FAT1: variants seen among roughly 807,000 people sequenced by gnomAD.
The protein encoded by FAT1 is FAT atypical cadherin 1.
Under a neutral mutation model 329.8 loss-of-function variants are expected in FAT1, and 171 were observed. The ratio of observed to expected loss-of-function variants is 0.52; its 90% confidence interval spans 0.46 to 0.59. The LOEUF (loss-of-function observed/expected upper bound fraction) is 0.59. Ranked by LOEUF, FAT1 falls within the 20% of genes least tolerant of loss-of-function variation. The pLI, the probability that FAT1 is intolerant of heterozygous loss-of-function variation, is 0.00. For missense variants in FAT1, 5,672 were observed against 5,774.4 expected, an observed-to-expected ratio of 0.98 and a Z score of 0.57; for synonymous variants, 2,233 against 2,228.6, an observed-to-expected ratio of 1.00 and a Z score of -0.06.
intron 2 of FAT1, among the ~76,000 whole-genome samples, chr4:186,682,336 G>C (rs1294748498): frequency 6.6e-6 from 1 of 152,086 alleles, no homozygotes; most frequent in African/African-American, 2.4e-5. Context: ...AGAACAGCCT[G>C]GTCAACATGG....
At chr4:186,660,874 C>T (rs1464211707) in intron 3 of FAT1, among the ~76,000 whole-genome samples, 1 of 152,144 alleles carries the variant, frequency 6.6e-6, no homozygotes, top group African/African-American at 2.4e-5. Context: ...ATATAATCTC[C>T]TCAGTTTCTT....
chr4:186,691,326 G>A (rs963863970), intron 2 of FAT1, among the ~76,000 whole-genome samples: 5 of 152,138 alleles, frequency 3.3e-5, no homozygotes, highest in African/African-American at 1.2e-4. Flanking sequence ...AACAATTTAA[G>A]ACTTTTATTC....
Position 186,620,407 on chromosome 4 carries a change from G to A in FAT1, c.6179C>T (p.Ser2060Phe), listed in dbSNP as rs2126515366. The A allele has an allele frequency of 1.9e-6, 3 of 1,614,022 alleles. No homozygotes were observed. Among genetic ancestry groups the A allele is most frequent in the South Asian group, 1.1e-5 (1 of 91,086 alleles). Residue 2060 changes from serine (S) to phenylalanine (F), a missense_variant, in exon 10 of 27, where the codon TCT becomes TTT. Coordinates refer to ENST00000441802, the MANE Select transcript of FAT1 (RefSeq NM_005245.4). ...VVEVTEEHKP[S>F]AVAHVVVKVI... ...CTTCACGACAACGTGGGCCACTGCAGAAGGCTTATGTTCCTCTGTCACTTC... is the reference window on the plus strand; with the variant it reads ...CTTCACGACAACGTGGGCCACTGCAAAAGGCTTATGTTCCTCTGTCACTTC...
At chr4:186,612,510 G>C (rs1433287490) in intron 13 of FAT1, among the ~76,000 whole-genome samples, 1 of 152,078 alleles carries the variant, frequency 6.6e-6, no homozygotes, top group African/African-American at 2.4e-5. Context: ...GCTCATTGGA[G>C]CATTTCGGAT....
rs1420866272 is a variant in FAT1 at position 186,709,557 on chromosome 4, C to T, written c.271G>A (p.Gly91Arg). ...CTTATTCTTAGAAAGCAAAAGTCTC[C>T]GAGAATGTACTCTTCAGCTTTGAAC... ...NLFKAEEYIL[G>R]DFCFLRIRTK... Residue 91 changes from glycine (G) to arginine (R), a missense_variant, in exon 2 of 27, where the codon GGA becomes AGA. Physicochemically the swap from Gly to Arg is moderately radical, Grantham distance 125. Transcript: ENST00000441802. The T allele has an allele frequency of 6.2e-7, 1 of 1,613,936 alleles. No individual in the cohort carries two copies. Among genetic ancestry groups the T allele is most frequent in the South Asian group, 1.1e-5 (1 of 91,084 alleles).
rs1738725253 is a variant in FAT1, at chr4:186,600,104, C to T, written c.11897G>A (p.Ser3966Asn). The change falls in exon 22 of 27, where the codon AGT becomes AAT. Residue 3966 changes from serine to asparagine, a missense_variant. Physicochemically the swap from Ser to Asn is conservative, Grantham distance 46. Transcript: ENST00000441802. ...IRQQGTRHGR[S>N]PQVGNGFRGC... is the part of the protein sequence containing the mutation. The stretch of plus-strand genomic sequence containing the variant: ...CCTGAAACCATTACCAACTTGAGGA[C>T]TTCTTCCATGCCTTGTTCCCTGCTG... 3 of 1,614,072 alleles carry T rather than the reference C, an allele frequency of 1.9e-6. No homozygotes were observed. Among genetic ancestry groups the T allele is most frequent in the Non-Finnish European group, 2.5e-6 (3 of 1,179,906 alleles).
chr4:186,720,839 G>T lies in FAT1; in HGVS notation c.-19+2825C>A, dbSNP rs1745441124. 2.0e-5 allele frequency among the ~76,000 whole-genome samples: 3 copies of T among 152,220 alleles called. No homozygotes were observed. The South Asian group carries it at 6.2e-4, about 31-fold the overall frequency. On this transcript the variant is annotated intron_variant, in intron 1 of 26. Transcript: ENST00000441802. ...AGTGAGAAATGTGAGGCAGGACTGT[G>T]TTGGGGAGGGGATATAGAGAGGGAT...
intron 24 of FAT1, 34 bp downstream of exon 24, chr4:186,597,647 AG>A: frequency 6.7e-7 from 1 of 1,494,538 alleles, no homozygotes; most frequent in African/African-American, 1.4e-5. Context: ...CGCTATGAAA[AG>A]GTATGAACCT....
Position 186,708,714 on chromosome 4 carries a change from A to G in FAT1, c.1114T>C (p.Tyr372His), listed in dbSNP as rs1335991060. ...GCAAATTCACTTATTTCTGCTCTGT[A>G]AACATCCTTTTCAAACTTGACTGGC... is the stretch of plus-strand genomic sequence containing the variant. ...AGPVKFEKDV[Y>H]RAEISEFAPP... Residue 372 changes from tyrosine (Y) to histidine (H), a missense_variant, in exon 2 of 27, where the codon TAC (tyrosine) becomes CAC (histidine). Tyr to His is a moderately conservative substitution (Grantham distance 83). Around this residue, in one of 2 missense-constraint regions of FAT1, gnomAD observed 3,966 missense variants for 3,915.2 expected, o/e 1.01. Coordinates refer to ENST00000441802, the MANE Select transcript of FAT1 (RefSeq NM_005245.4). 1.2e-6 allele frequency: 2 copies of G among 1,613,816 alleles called. No individual in the cohort carries two copies. Among genetic ancestry groups the G allele is most frequent in the Middle Eastern group, 1.6e-4 (1 of 6,084 alleles).
chr4:186,637,116 AG>A (rs1363863647), intron 4 of FAT1, among the ~76,000 whole-genome samples: 2 of 152,112 alleles, frequency 1.3e-5, no homozygotes, highest in African/African-American at 4.8e-5. Context: ...GGAGAGAGTC[AG>A]GGGGCCGGGC....
At chr4:186,705,792 A>T (rs1227400329) in intron 2 of FAT1, among the ~76,000 whole-genome samples, 1 of 152,224 alleles carries the variant, frequency 6.6e-6, no homozygotes, top group African/African-American at 2.4e-5. Flanking sequence ...CCGGTTTCAG[A>T]ACCTTCAGTA....
At chr4:186,680,122 C>T (rs1743142680) in intron 2 of FAT1, among the ~76,000 whole-genome samples, 1 of 152,158 alleles carries the variant, frequency 6.6e-6, no homozygotes, top group Non-Finnish European at 1.5e-5. Flanking sequence ...TTAATTTAAC[C>T]TAATACTGAA....
chr4:186,675,344 G>A (rs1214352203), intron 2 of FAT1, among the ~76,000 whole-genome samples: 1 of 151,602 alleles, frequency 6.6e-6, no homozygotes, highest in Non-Finnish European at 1.5e-5. Context: ...GGTGTGCCCT[G>A]TAGTACCAGT....
chr4:186,607,794 G>T (rs941039875), intron 16 of FAT1, among the ~76,000 whole-genome samples: 11 of 152,034 alleles, frequency 7.2e-5, no homozygotes, highest in South Asian at 2.1e-4. Flanking sequence ...TAAATGGGTG[G>T]ATGGATACTG....
Position 186,717,058 on chromosome 4 carries a change from C to A in FAT1, c.-19+6606G>T, listed in dbSNP as rs193067231. Among the ~76,000 whole-genome samples the A allele has an allele frequency of 3.2e-4, 48 of 152,212 alleles. No individual in the cohort carries two copies. In the East Asian group the frequency reaches 7.9e-3, roughly 25 times the overall value. ...CTGGGATTACAGGCATGAGCCACCGCACCCAGCGTAAATGGCTTTTTAAAA... is the reference window on the plus strand; with the variant it reads ...CTGGGATTACAGGCATGAGCCACCGAACCCAGCGTAAATGGCTTTTTAAAA... On this transcript the variant is annotated intron_variant, in intron 1 of 26. Transcript: ENST00000441802.
chr4:186,719,920 TC>T (rs1161379100), intron 1 of FAT1, among the ~76,000 whole-genome samples: 1 of 152,256 alleles, frequency 6.6e-6, no homozygotes, highest in Non-Finnish European at 1.5e-5. Flanking sequence ...TATTCAAACT[TC>T]TTTGTGATAT....
intron 2 of FAT1, among the ~76,000 whole-genome samples, chr4:186,666,252 C>T (rs1328063069): frequency 6.6e-6 from 1 of 152,064 alleles, no homozygotes; most frequent in African/African-American, 2.4e-5. Flanking sequence ...TAACTGGTTC[C>T]TCCGTACAGC....
At chr4:186,721,206 G>T (rs1745455694) in intron 1 of FAT1, among the ~76,000 whole-genome samples, 1 of 152,154 alleles carries the variant, frequency 6.6e-6, no homozygotes, top group African/African-American at 2.4e-5. Context: ...AATTAAGCAA[G>T]AATTCAGGCA....
At chr4:186,674,873 A>G (rs1742882780) in intron 2 of FAT1, among the ~76,000 whole-genome samples, 1 of 152,074 alleles carries the variant, frequency 6.6e-6, no homozygotes, top group Non-Finnish European at 1.5e-5. Flanking sequence ...GTCTTTACAA[A>G]AAATACAAAA....
Sources: allele counts gnomAD v4.1 joint callset (sites outside exome capture counted in the v4.1 genomes callset), GRCh38; gene constraint gnomAD v4.1.1; regional missense constraint gnomAD v4.1.1; transcripts MANE v1.5; gene names NCBI Gene and HGNC (gene_info 2026-07-23, HGNC 2026-07-21).